Variants in ATRX observed in about 807,000 individuals in gnomAD.
The protein encoded by ATRX is chromatin remodeler ATRX.
In ATRX, 12 loss-of-function variants were observed where a neutral mutation model predicts 172.6. The ratio of observed to expected loss-of-function variants is 0.07; its 90% CI spans 0.04 to 0.11. ATRX has a LOEUF of 0.11. ATRX is among the 10% of genes least tolerant of loss of function. The pLI is 1.00. For missense variants in ATRX, 1,368 were observed against 1,767.4 expected, an observed-to-expected ratio of 0.77 and a Z score of 4.05; for synonymous variants, 674 against 594.7, an observed-to-expected ratio of 1.13 and a Z score of -1.94.
intron 15 of ATRX, among the ~76,000 whole-genome samples, chrX:77,651,663 G>A (rs2069248811): frequency 9.0e-6 from 1 of 111,152 alleles, no homozygotes; most frequent in African/African-American, 3.3e-5. Flanking sequence ...CACAAGACCA[G>A]CCTGGCCAAC....
chrX:77,522,446 A>G, intron 31 of ATRX, 58 bp from the exon 32 acceptor site: 1 of 1,126,706 alleles, frequency 8.9e-7, no homozygotes, highest in Non-Finnish European at 1.2e-6. Flanking sequence ...GAAATTCTAC[A>G]TCACCTACTG....
intron 19 of ATRX, among the ~76,000 whole-genome samples, chrX:77,622,971 A>G (rs1557100976): frequency 9.0e-6 from 1 of 110,638 alleles, no homozygotes; most frequent in Non-Finnish European, 1.9e-5. Context: ...GAGCACAAAC[A>G]GACAATCTAA....
chrX:77,749,144 T>C (rs2075208742), intron 1 of ATRX, among the ~76,000 whole-genome samples: 1 of 110,984 alleles, frequency 9.0e-6, no homozygotes, highest in South Asian at 3.8e-4. Flanking sequence ...CAATGTCTAT[T>C]ATTCTACTCT....
chrX:77,775,715 C>CTTTCTTTATTTA (rs1557201918), intron 1 of ATRX, among the ~76,000 whole-genome samples: 1 of 100,304 alleles, frequency 1.0e-5, no homozygotes, highest in East Asian at 3.2e-4. Context: ...AACAATAATT[C>CTTTCTTTATTTA]TTTATTTATT....
intron 26 of ATRX, among the ~76,000 whole-genome samples, 164 bp from the exon 27 acceptor site, chrX:77,590,104 C>T (rs1012854264): frequency 5.4e-5 from 6 of 111,451 alleles, no homozygotes; most frequent in African/African-American, 2.0e-4. Flanking sequence ...AATGCCACCT[C>T]AGAGGAGGGA....
At chrX:77,549,864 A>G (rs1423351298) in intron 30 of ATRX, among the ~76,000 whole-genome samples, 6 of 112,392 alleles carry the variant, frequency 5.3e-5, no homozygotes, top group African/African-American at 1.9e-4. Context: ...TCATGCCTGT[A>G]ATCCTAACAC....
At chrX:77,563,269 G>A (rs781889983) in intron 28 of ATRX, among the ~76,000 whole-genome samples, 7 of 112,155 alleles carry the variant, frequency 6.2e-5, no homozygotes. Flanking sequence ...TAAAATATGG[G>A]TAAGGCTTAA....
At chrX:77,706,857 G>A (rs895528680) in intron 2 of ATRX, among the ~76,000 whole-genome samples, 1 of 111,778 alleles carries the variant, frequency 8.9e-6, no homozygotes, top group African/African-American at 3.2e-5. Context: ...AGTGAACTAT[G>A]ATCTTGCCAC....
chrX:77,731,099 G>GAAAAAAAAAAAAAAAAAAAAAA (rs1174909363), intron 1 of ATRX, among the ~76,000 whole-genome samples: 1 of 89,242 alleles, frequency 1.1e-5, no homozygotes. Flanking sequence ...AAAAAAAAAA[G>GAAAAAAAAAAAAAAAAAAAAAA]AAAAAAAAAA....
intron 1 of ATRX, among the ~76,000 whole-genome samples, chrX:77,765,867 C>T (rs1417451160): frequency 2.8e-5 from 3 of 108,320 alleles, no homozygotes; most frequent in African/African-American, 1.0e-4. Flanking sequence ...TCCCTGGGTA[C>T]TTGAGATTAG....
intron 1 of ATRX, among the ~76,000 whole-genome samples, chrX:77,772,733 G>A (rs1338291449): frequency 2.7e-5 from 3 of 109,202 alleles, no homozygotes; most frequent in South Asian, 3.9e-4. Flanking sequence ...CATCCGCCTC[G>A]GCCTCCCAAA....
At chrX:77,626,842 T>G (rs1054944042) in intron 19 of ATRX, among the ~76,000 whole-genome samples, 3 of 112,599 alleles carry the variant, frequency 2.7e-5, no homozygotes, top group African/African-American at 9.7e-5. Context: ...ATAATTTCTT[T>G]AACTTAAAAG....
chrX:77,771,774 G>C (rs1474071848), intron 1 of ATRX, among the ~76,000 whole-genome samples: 1 of 111,383 alleles, frequency 9.0e-6, no homozygotes. Flanking sequence ...CTAGAAAAGT[G>C]GTTCTCAAAC....
chrX:77,525,969 C>T (rs2063368404), intron 30 of ATRX, among the ~76,000 whole-genome samples: 1 of 112,050 alleles, frequency 8.9e-6, no homozygotes, highest in East Asian at 2.8e-4. Flanking sequence ...TCATATACAG[C>T]CTTTTAAAAA....
intron 2 of ATRX, among the ~76,000 whole-genome samples, chrX:77,713,397 C>T (rs2073208503): frequency 9.0e-6 from 1 of 111,102 alleles, no homozygotes; most frequent in Non-Finnish European, 1.9e-5. Context: ...TTTCTAAACA[C>T]TATATCCCAC....
chrX:77,694,764 T>C (rs782437318), intron 5 of ATRX, among the ~76,000 whole-genome samples: 2 of 108,931 alleles, frequency 1.8e-5, no homozygotes, highest in African/African-American at 6.7e-5. Context: ...CTGGCTATCA[T>C]TGGCAACAAT....
intron 1 of ATRX, among the ~76,000 whole-genome samples, chrX:77,750,682 C>T (rs782387380): frequency 9.1e-6 from 1 of 109,370 alleles, no homozygotes; most frequent in South Asian, 4.0e-4. Context: ...CTCCCCTTGC[C>T]CCCCAACCCC....
chrX:77,635,342 G>A (rs1602992084), intron 16 of ATRX, among the ~76,000 whole-genome samples: 2 of 111,295 alleles, frequency 1.8e-5, no homozygotes, highest in South Asian at 3.8e-4. Flanking sequence ...AAAAGAGAAT[G>A]GCTTCCTATC....
At chrX:77,687,687 A>C (rs1470150084) in intron 7 of ATRX, among the ~76,000 whole-genome samples, 1 of 112,073 alleles carries the variant, frequency 8.9e-6, no homozygotes, top group Non-Finnish European at 1.9e-5. Context: ...TACATACCCT[A>C]GATAGGCCCC....
Sources: gnomAD v4.1 joint callset for allele counts (sites outside exome capture counted in the v4.1 genomes callset) on GRCh38, gnomAD v4.1.1 for gene constraint, MANE v1.5 for transcripts, NCBI Gene and HGNC (gene_info 2026-07-23, HGNC 2026-07-21) for gene names.